The following PRDM5 variants were observed in gnomAD, a reference collection of about 807,000 sequenced individuals.
The protein encoded by PRDM5 is PR domain zinc finger protein 5.
Under a neutral mutation model 81.2 loss-of-function variants are expected in PRDM5, and 56 were observed. The observed-to-expected ratio is 0.69, with a 90% CI of 0.56 to 0.86. The LOEUF (loss-of-function observed/expected upper bound fraction) is 0.86. PRDM5 is among the 40% of genes least tolerant of loss of function. The probability of loss-of-function intolerance (pLI) is 0.00; values close to 1 mark genes in which losing one functional copy is unlikely to be tolerated. For missense variants in PRDM5, 697 were observed against 770.1 expected (o/e 0.91, Z 1.12); for synonymous variants, 267 against 256.4 (o/e 1.04, Z -0.39).
chr4:120,716,448 G>A (rs540223439), intron 14 of PRDM5, among the ~76,000 whole-genome samples: 33 of 152,220 alleles, frequency 2.2e-4, no homozygotes, highest in Middle Eastern at 6.8e-3. Context: ...GGGAGTCTTT[G>A]GGGTTTTGCC....
chr4:120,835,679 A>G (rs1757272376), intron 3 of PRDM5, among the ~76,000 whole-genome samples: 1 of 152,190 alleles, frequency 6.6e-6, no homozygotes, highest in Non-Finnish European at 1.5e-5. Flanking sequence ...CCCAGCCATG[A>G]GGAACTGTAA....
chr4:120,848,062 T>C (rs1758854897), intron 3 of PRDM5, among the ~76,000 whole-genome samples: 1 of 152,104 alleles, frequency 6.6e-6, no homozygotes, highest in African/African-American at 2.4e-5. Flanking sequence ...TTTTAGCACA[T>C]TAGCTAGCAG....
chr4:120,841,767 G>A (rs577706521), intron 3 of PRDM5, among the ~76,000 whole-genome samples: 70 of 152,096 alleles, frequency 4.6e-4, no homozygotes, highest in African/African-American at 1.7e-3. Flanking sequence ...TTCCTCCTCT[G>A]GTAAGTGAGC....
chr4:120,844,045 G>T (rs28641847), intron 3 of PRDM5, among the ~76,000 whole-genome samples: 1 of 152,092 alleles, frequency 6.6e-6, no homozygotes, highest in Non-Finnish European at 1.5e-5. Context: ...TGCATAGGCC[G>T]CTGCGGCCAC....
intron 2 of PRDM5, among the ~76,000 whole-genome samples, chr4:120,875,363 GAGCCAGC>G (rs556733638): frequency 7.4e-4 from 113 of 152,332 alleles, no homozygotes; most frequent in African/African-American, 2.6e-3. Flanking sequence ...GACTGCCAAG[GAGCCAGC>G]AGCCTCTGTC....
intron 2 of PRDM5, among the ~76,000 whole-genome samples, chr4:120,886,591 C>CT (rs1244874615): frequency 6.6e-6 from 1 of 152,032 alleles, no homozygotes; most frequent in African/African-American, 2.4e-5. Flanking sequence ...CAGTTGTTTC[C>CT]TTTTTTTAAC....
At position 120,805,880 on chromosome 4, in the gene PRDM5, G is replaced by C. The variant is rs1051969142; in HGVS notation, c.945+5490C>G. Reference sequence around the variant, plus strand: ...AATCAGGCAGGAGAAAAAAATAAAGGGTATTCAATTAGGAAAAGAGGAAGT... The same window carrying C: ...AATCAGGCAGGAGAAAAAAATAAAGCGTATTCAATTAGGAAAAGAGGAAGT... On this transcript the variant is annotated intron_variant, in intron 8 of 15. Coordinates refer to ENST00000264808, the MANE Select transcript of PRDM5 (RefSeq NM_018699.4). Among the ~76,000 whole-genome samples, 6 of 151,086 alleles carry C rather than the reference G, an allele frequency of 4.0e-5. 1 individual carries two copies. Among genetic ancestry groups the C allele is most frequent in the East Asian group, 2.2e-4 (1 of 4,536 alleles).
intron 14 of PRDM5, among the ~76,000 whole-genome samples, chr4:120,724,750 A>G (rs1257551434): frequency 4.6e-5 from 7 of 152,224 alleles, no homozygotes. Context: ...CACAATTTTG[A>G]AAATAATAAG....
intron 13 of PRDM5, among the ~76,000 whole-genome samples, chr4:120,758,825 G>A (rs761499729): frequency 6.6e-6 from 1 of 150,680 alleles, no homozygotes; most frequent in Non-Finnish European, 1.5e-5. Context: ...GCGCGATCTC[G>A]ACTCACTGCA....
At chr4:120,917,230 T>C (rs1001104576) in intron 1 of PRDM5, among the ~76,000 whole-genome samples, 5 of 152,190 alleles carry the variant, frequency 3.3e-5, no homozygotes, top group African/African-American at 1.2e-4. Flanking sequence ...TTAGGTCCTT[T>C]ACTGTAGCTG....
intron 14 of PRDM5, among the ~76,000 whole-genome samples, chr4:120,717,073 A>C (rs1371224739): frequency 1.3e-5 from 2 of 151,778 alleles, no homozygotes; most frequent in African/African-American, 2.4e-5. Context: ...AAAAAAAAAA[A>C]AAAAAACTTC....
chr4:120,917,363 T>C (rs573471201), intron 1 of PRDM5, among the ~76,000 whole-genome samples: 15 of 152,258 alleles, frequency 9.9e-5, no homozygotes, highest in East Asian at 7.7e-4. Flanking sequence ...CTAACATGTA[T>C]AGCATCCCAC....
At chr4:120,870,579 G>T (rs1242824563) in intron 2 of PRDM5, among the ~76,000 whole-genome samples, 1 of 152,128 alleles carries the variant, frequency 6.6e-6, no homozygotes, top group African/African-American at 2.4e-5. Flanking sequence ...TAATGAGTGA[G>T]TACGGATGAG....
chr4:120,734,070 A>T, intron 14 of PRDM5, among the ~76,000 whole-genome samples: 1 of 152,104 alleles, frequency 6.6e-6, no homozygotes, highest in African/African-American at 2.4e-5. Context: ...GGTCATCCTT[A>T]GGAGAAGGAC....
rs181457931 is a variant in PRDM5 at position 120,867,740 on chromosome 4, C to T, written c.178-14200G>A. On this transcript the variant is annotated intron_variant, in intron 2 of 15. Transcript: ENST00000264808. Reference sequence around the variant, plus strand: ...CAAGGGAGTGTTTTTAATTTTGCAACAAACTACCCTTTAAAATAAGTCATC... The same window carrying T: ...CAAGGGAGTGTTTTTAATTTTGCAATAAACTACCCTTTAAAATAAGTCATC... Among the ~76,000 whole-genome samples, 314 of 152,296 alleles carry T rather than the reference C, an allele frequency of 2.1e-3. 2 individuals are homozygous for T. The highest frequency in any genetic ancestry group is 7.1e-3 in the African/African-American group (295 of 41,564).
At chr4:120,759,940 T>C (rs542195212) in intron 13 of PRDM5, among the ~76,000 whole-genome samples, 1 of 152,332 alleles carries the variant, frequency 6.6e-6, no homozygotes, top group South Asian at 2.1e-4. Flanking sequence ...TGTTCTACAG[T>C]TCAGAATGCT....
intron 1 of PRDM5, among the ~76,000 whole-genome samples, chr4:120,686,582 A>T (rs895096693): frequency 6.6e-5 from 10 of 152,016 alleles, no homozygotes; most frequent in Non-Finnish European, 1.0e-4. Flanking sequence ...GAAACTAGCT[A>T]AAGGTGTAAT....
chr4:120,898,986 G>A (rs1764955061), intron 2 of PRDM5, among the ~76,000 whole-genome samples: 1 of 152,048 alleles, frequency 6.6e-6, no homozygotes, highest in African/African-American at 2.4e-5. Flanking sequence ...TTTTCTGTAT[G>A]AGAAACGAGA....
chr4:120,803,476 A>C (rs943515225), intron 8 of PRDM5, among the ~76,000 whole-genome samples: 1 of 152,224 alleles, frequency 6.6e-6, no homozygotes. Flanking sequence ...GTTACCCAGA[A>C]AGGAAAGCCC....
Sources: allele counts gnomAD v4.1 joint callset (sites outside exome capture counted in the v4.1 genomes callset), GRCh38; gene constraint gnomAD v4.1.1; transcripts MANE v1.5; gene names NCBI Gene and HGNC (gene_info 2026-07-23, HGNC 2026-07-21).